The following GFRA2 variants were observed in gnomAD, a reference collection of about 807,000 sequenced individuals.
GFRA2 encodes GDNF family receptor alpha 2, also known as GDNF family receptor alpha-2.
GFRA2 carries 17 observed loss-of-function variants against 48.3 expected under a neutral mutation model. The observed-to-expected ratio is 0.35, with a 90% CI of 0.24 to 0.53. The LOEUF (loss-of-function observed/expected upper bound fraction) is 0.53. GFRA2 is among the 20% of genes least tolerant of loss of function. GFRA2 has a pLI of 0.93. For missense variants in GFRA2, 660 were observed against 637.3 expected (o/e 1.04, Z -0.38); for synonymous variants, 305 against 257.2 (o/e 1.19, Z -1.78).
intron 4 of GFRA2, among the ~76,000 whole-genome samples, chr8:21,736,425 G>A (rs1219286807): frequency 6.6e-6 from 1 of 152,184 alleles, no homozygotes; most frequent in Non-Finnish European, 1.5e-5. Context: ...TGTTAGCCAT[G>A]GCTTATTTTG....
chr8:21,788,521 C>T lies in GFRA2; in HGVS notation c.-362G>A. 2 of 1,042,422 alleles carry T rather than the reference C, an allele frequency of 1.9e-6. No homozygotes were observed. The highest frequency in any genetic ancestry group is 2.3e-6 in the Non-Finnish European group (2 of 868,014). The allele number at this position is 1,042,422 out of a possible 1,614,324, so 64.6% of individuals were successfully genotyped here. A position where few individuals can be genotyped will look rare whatever the true frequency, so the allele number is the denominator to read the frequency against. On this transcript the variant is annotated 5_prime_UTR_variant, in exon 1 of 9. Coordinates refer to ENST00000524240, the MANE Select transcript of GFRA2 (RefSeq NM_001495.5). ...CGCGGGTCCAATTCCCCTGCGCTTC[C>T]CAGGAGGGGCCTGGGGAGGTGGGGA...
At chr8:21,758,886 G>A (rs1805725452) in intron 3 of GFRA2, among the ~76,000 whole-genome samples, 1 of 150,956 alleles carries the variant, frequency 6.6e-6, no homozygotes, top group South Asian at 2.1e-4. Flanking sequence ...GCACACCGAG[G>A]TGCACACACA....
rs142314374 is a variant in GFRA2 at position 21,694,004 on chromosome 8, A to C, written c.1272+460T>G. 3.0e-3 allele frequency among the ~76,000 whole-genome samples: 434 copies of C among 145,598 alleles called. 9 individuals carry two copies. The East Asian group carries it at 0.063, about 21-fold the overall frequency. ...TCATATATATATATACGTCATATACATGAGATATATATATTTATATATACG... is the reference window on the plus strand; with the variant it reads ...TCATATATATATATACGTCATATACCTGAGATATATATATTTATATATACG... On this transcript the variant is annotated intron_variant, in intron 8 of 8. Transcript: ENST00000524240.
chr8:21,787,149 G>A (rs1468564133), intron 1 of GFRA2, among the ~76,000 whole-genome samples: 2 of 151,978 alleles, frequency 1.3e-5, no homozygotes, highest in African/African-American at 4.8e-5. Context: ...TTCCCAAGCA[G>A]CTGCGATTTC....
At position 21,706,019 on chromosome 8, in the gene GFRA2, C is replaced by T; in HGVS notation, c.817G>A (p.Ala273Thr). The T allele has an allele frequency of 6.3e-7, 1 of 1,575,148 alleles. No individual in the cohort carries two copies. The change falls in exon 5 of 9, where the codon GCC becomes ACC. Residue 273 changes from alanine to threonine, a missense_variant. Physicochemically the swap from Ala to Thr is moderately conservative, Grantham distance 58. Transcript: ENST00000524240. ...GTCTGGTAGGAGGCTCGACAATTGG[C>T]ATGGAAGTCGGCCAGCCGGGACCTG... ...LCRSRLADFH[A>T]NCRASYQTVT... is the part of the protein sequence containing the mutation.
chr8:21,788,398 A>AT lies in GFRA2; in HGVS notation c.-240_-239insA, dbSNP rs1807393814. On this transcript the variant is annotated 5_prime_UTR_variant, in exon 1 of 9. In the 5' UTR this introduces an upstream ATG that the reference lacks. Transcript: ENST00000524240. ...TCTCGACGCCCCCCTTGCCCGCTAC[A>AT]ATCAAATATACGCGTATCTGTGTAT... The AT allele has an allele frequency of 4.5e-6, 6 of 1,332,250 alleles. No individual in the cohort carries two copies. In the African/African-American group the frequency reaches 9.2e-5, roughly 20 times the overall value. The allele number at this position is 1,332,250 out of a possible 1,614,324, so 82.5% of individuals were successfully genotyped here. A position where few individuals can be genotyped will look rare whatever the true frequency, so the allele number is the denominator to read the frequency against.
chr8:21,761,969 A>T (rs1020122878), intron 3 of GFRA2, among the ~76,000 whole-genome samples: 107 of 151,600 alleles, frequency 7.1e-4, no homozygotes, highest in Middle Eastern at 3.4e-3. Context: ...TAAAAAAATT[A>T]AAAAAAGTGT....
intron 3 of GFRA2, among the ~76,000 whole-genome samples, chr8:21,765,247 G>A (rs1443242372): frequency 6.6e-6 from 1 of 151,936 alleles, no homozygotes; most frequent in Non-Finnish European, 1.5e-5. Flanking sequence ...GGGTAGCCAG[G>A]ACCACCCGCA....
intron 1 of GFRA2, among the ~76,000 whole-genome samples, chr8:21,786,257 G>A (rs1256522043): frequency 6.6e-6 from 1 of 152,172 alleles, no homozygotes; most frequent in Non-Finnish European, 1.5e-5. Flanking sequence ...AAGGAGAAAG[G>A]TGGACTCCTT....
chr8:21,710,855 TG>T (rs746638001), intron 4 of GFRA2, among the ~76,000 whole-genome samples: 2 of 152,198 alleles, frequency 1.3e-5, no homozygotes, highest in Non-Finnish European at 2.9e-5. Context: ...CCAGCAGCCT[TG>T]GCAAGATAAA....
intron 3 of GFRA2, among the ~76,000 whole-genome samples, chr8:21,771,128 C>G (rs1806418301): frequency 6.6e-6 from 1 of 152,140 alleles, no homozygotes; most frequent in Non-Finnish European, 1.5e-5. Context: ...TCCCACCGAA[C>G]CCTCTTAGGG....
intron 4 of GFRA2, among the ~76,000 whole-genome samples, chr8:21,726,151 C>T (rs1326744168): frequency 3.9e-5 from 6 of 152,234 alleles, no homozygotes; most frequent in African/African-American, 1.2e-4. Flanking sequence ...TCCACCCCAC[C>T]GTCTCCAACC....
intron 2 of GFRA2, among the ~76,000 whole-genome samples, chr8:21,780,259 G>A (rs1806916628): frequency 6.6e-6 from 1 of 152,066 alleles, no homozygotes; most frequent in Non-Finnish European, 1.5e-5. Context: ...GGCACGGGGA[G>A]CATGGCTAAT....
At chr8:21,738,354 T>C (rs1048164891) in intron 4 of GFRA2, among the ~76,000 whole-genome samples, 2 of 151,310 alleles carry the variant, frequency 1.3e-5, no homozygotes, top group African/African-American at 4.9e-5. Flanking sequence ...AGCTGACCTC[T>C]GAAGGTCTCT....
chr8:21,769,769 C>A (rs1405490137), intron 3 of GFRA2, among the ~76,000 whole-genome samples: 1 of 152,150 alleles, frequency 6.6e-6, no homozygotes, highest in Non-Finnish European at 1.5e-5. Context: ...TGATAAAGGA[C>A]AAAGTGCTGT....
intron 2 of GFRA2, among the ~76,000 whole-genome samples, chr8:21,776,438 A>C (rs886922977): frequency 6.6e-6 from 1 of 150,932 alleles, no homozygotes; most frequent in East Asian, 1.9e-4. Context: ...GCCCAGCTGG[A>C]ATTTGACAAC....
intron 4 of GFRA2, among the ~76,000 whole-genome samples, chr8:21,730,070 C>T (rs977539115): frequency 6.6e-6 from 1 of 152,134 alleles, no homozygotes; most frequent in Middle Eastern, 3.4e-3. Context: ...AAAGGTGTTT[C>T]CTGGGTTCTC....
intron 4 of GFRA2, among the ~76,000 whole-genome samples, chr8:21,740,045 C>A (rs1380553828): frequency 6.6e-6 from 1 of 152,160 alleles, no homozygotes; most frequent in Non-Finnish European, 1.5e-5. Context: ...GGGTCCTAAG[C>A]ACAGTGCAGT....
At chr8:21,711,688 CTTT>C (rs1198915473) in intron 4 of GFRA2, among the ~76,000 whole-genome samples, 1 of 132,570 alleles carries the variant, frequency 7.5e-6, no homozygotes, top group Non-Finnish European at 1.6e-5. Flanking sequence ...AACAGTTTTT[CTTT>C]TTTTTTTTTT....
Sources: allele counts gnomAD v4.1 joint callset (sites outside exome capture counted in the v4.1 genomes callset), GRCh38; gene constraint gnomAD v4.1.1; transcripts MANE v1.5; gene names NCBI Gene and HGNC (gene_info 2026-07-23, HGNC 2026-07-21).